ROBO2: variants seen among roughly 807,000 people sequenced by gnomAD.
The protein encoded by ROBO2 is roundabout guidance receptor 2.
A neutral mutation model predicts 160.8 loss-of-function variants in ROBO2; 53 were observed. The observed-to-expected ratio is 0.33, with a 90% CI of 0.26 to 0.41. The LOEUF is 0.41. Among genes scored for constraint, ROBO2 ranks in the 10% least tolerant of loss-of-function variants. The probability of loss-of-function intolerance (pLI) is 1.00; values close to 1 mark genes in which losing one functional copy is unlikely to be tolerated. For missense variants in ROBO2, 1,577 were observed against 1,722.4 expected (o/e 0.92, Z 1.49); for synonymous variants, 664 against 611.7 (o/e 1.09, Z -1.26).
At chr3:76,812,533 A>T (rs1476190301) in intron 2 of ROBO2, among the ~76,000 whole-genome samples, 6 of 151,952 alleles carry the variant, frequency 3.9e-5, no homozygotes, top group Admixed American at 3.9e-4. Context: ...AACAAAACAC[A>T]ATAACAGAAA....
chr3:76,438,713 G>A (rs1048527813), intron 2 of ROBO2, among the ~76,000 whole-genome samples: 1 of 151,902 alleles, frequency 6.6e-6, no homozygotes, highest in African/African-American at 2.4e-5. Flanking sequence ...GGAATAATTG[G>A]ATGTAAATTT....
intron 2 of ROBO2, among the ~76,000 whole-genome samples, chr3:76,457,036 A>T (rs1559978884): frequency 6.6e-6 from 1 of 152,128 alleles, no homozygotes; most frequent in Non-Finnish European, 1.5e-5. Context: ...GATTTGGTGG[A>T]GACACAGCCA....
chr3:77,216,668 C>G (rs1406821309), intron 2 of ROBO2, among the ~76,000 whole-genome samples: 2 of 152,220 alleles, frequency 1.3e-5, no homozygotes, highest in Non-Finnish European at 2.9e-5. Flanking sequence ...CTGCGTCACT[C>G]ATGCTCAGAG....
intron 2 of ROBO2, among the ~76,000 whole-genome samples, chr3:76,476,186 TG>T (rs1437576474): frequency 6.6e-6 from 1 of 152,130 alleles, no homozygotes; most frequent in Non-Finnish European, 1.5e-5. Flanking sequence ...AACAAAACTT[TG>T]CTTTATCCCA....
intron 2 of ROBO2, among the ~76,000 whole-genome samples, chr3:77,347,449 C>G (rs2067786121): frequency 6.6e-6 from 1 of 151,980 alleles, no homozygotes; most frequent in African/African-American, 2.4e-5. Context: ...TAATTCCCAT[C>G]AGCATAGGAC....
chr3:76,450,833 C>G (rs544115538), intron 2 of ROBO2, among the ~76,000 whole-genome samples: 3 of 152,086 alleles, frequency 2.0e-5, no homozygotes, highest in Middle Eastern at 6.8e-3. Flanking sequence ...AAGACATTTT[C>G]GAAAACCATG....
chr3:76,159,876 T>G (rs142256014), intron 2 of ROBO2, among the ~76,000 whole-genome samples: 79 of 152,158 alleles, frequency 5.2e-4, no homozygotes, highest in East Asian at 3.9e-3. Context: ...TTTTTAAGAT[T>G]AAGAAACAAA....
In ROBO2 at chr3:77,150,249, T is replaced by G. The variant is rs1027538223; in HGVS notation, c.388+51909T>G. ...CCAGGCCGAGTGGAGATGACGGATG[T>G]GACAGCTCTCAGTTAAAATGTCTTT... On this transcript the variant is annotated intron_variant, in intron 2 of 25. Transcript: ENST00000461745. 4.6e-5 allele frequency among the ~76,000 whole-genome samples: 7 copies of G among 152,322 alleles called. No individual in the cohort carries two copies. In the East Asian group the frequency reaches 1.2e-3, roughly 25 times the overall value.
At chr3:76,226,288 C>G (rs1704279690) in intron 2 of ROBO2, among the ~76,000 whole-genome samples, 1 of 152,030 alleles carries the variant, frequency 6.6e-6, no homozygotes. Flanking sequence ...TTACATGCAA[C>G]AAATTAACTT....
rs200086255 is a variant in ROBO2, at chr3:76,253,680, AT to A, written c.109+316079del. Reference sequence around the variant, plus strand: ...ATAAAAATTCTGAAAAGAGCAACAAATAATTGTTTACAGAAAAAGGTAAGTA... The same window carrying A: ...ATAAAAATTCTGAAAAGAGCAACAAAAATTGTTTACAGAAAAAGGTAAGTA... On this transcript the variant is annotated intron_variant, in intron 2 of 26. Transcript: ENST00000487694. 9.9e-4 allele frequency among the ~76,000 whole-genome samples: 150 copies of A among 151,552 alleles called. 1 individual carries two copies. The East Asian group carries it at 0.028, about 29-fold the overall frequency.
At chr3:76,055,269 A>T (rs929223777) in intron 2 of ROBO2, among the ~76,000 whole-genome samples, 2 of 152,166 alleles carry the variant, frequency 1.3e-5, no homozygotes, top group Non-Finnish European at 2.9e-5. Context: ...ACAATTCAAG[A>T]TGAGATTTGG....
At chr3:76,488,029 T>G (rs2079594002) in intron 2 of ROBO2, among the ~76,000 whole-genome samples, 1 of 152,112 alleles carries the variant, frequency 6.6e-6, no homozygotes, top group Non-Finnish European at 1.5e-5. Context: ...CACTCACACT[T>G]AAGGAGAGAG....
At chr3:76,000,560 C>T (rs1449491149) in intron 2 of ROBO2, among the ~76,000 whole-genome samples, 2 of 146,100 alleles carry the variant, frequency 1.4e-5, no homozygotes, top group African/African-American at 5.1e-5. Flanking sequence ...GTGATCTCGG[C>T]TCACTGCAAG....
intron 2 of ROBO2, among the ~76,000 whole-genome samples, chr3:77,370,004 T>C (rs1191256951): frequency 6.6e-6 from 1 of 152,190 alleles, no homozygotes; most frequent in Non-Finnish European, 1.5e-5. Flanking sequence ...AAATACATTG[T>C]AGATGCAACA....
chr3:76,602,238 G>T (rs1345989682), intron 2 of ROBO2, among the ~76,000 whole-genome samples: 1 of 152,076 alleles, frequency 6.6e-6, no homozygotes, highest in Non-Finnish European at 1.5e-5. Flanking sequence ...CAAGTATCTA[G>T]GAAGTTTCAA....
intron 2 of ROBO2, among the ~76,000 whole-genome samples, chr3:76,707,731 GTATATATATATA>G (rs56401900): frequency 6.7e-5 from 9 of 134,204 alleles, no homozygotes; most frequent in East Asian, 4.7e-4. Flanking sequence ...ACATGTGTGT[GTATATATATATA>G]TATATATATA....
chr3:76,815,234 A>G (rs1056512952), intron 2 of ROBO2, among the ~76,000 whole-genome samples: 3 of 152,066 alleles, frequency 2.0e-5, no homozygotes, highest in Non-Finnish European at 4.4e-5. Flanking sequence ...AACAGTCAAC[A>G]AAGAATAACA....
chr3:76,278,238 T>C (rs887048833), intron 2 of ROBO2, among the ~76,000 whole-genome samples: 1 of 151,970 alleles, frequency 6.6e-6, no homozygotes, highest in Non-Finnish European at 1.5e-5. Context: ...TTGAGATATA[T>C]CTAAAGATCA....
chr3:75,953,336 C>G (rs1422623591), intron 2 of ROBO2, among the ~76,000 whole-genome samples: 1 of 151,902 alleles, frequency 6.6e-6, no homozygotes, highest in Non-Finnish European at 1.5e-5. Flanking sequence ...GTTGCTATGA[C>G]TTGCAGTTCC....
Sources: allele counts gnomAD v4.1 joint callset (sites outside exome capture counted in the v4.1 genomes callset), GRCh38; gene constraint gnomAD v4.1.1; transcripts MANE v1.5; gene names NCBI Gene and HGNC (gene_info 2026-07-23, HGNC 2026-07-21).